The following ITGA2B variants were observed in gnomAD, a reference collection of about 807,000 sequenced individuals.
ITGA2B encodes integrin subunit alpha 2b.
ITGA2B carries 91 observed loss-of-function variants against 142.0 expected under a neutral mutation model. The observed-to-expected ratio is 0.64, with a 90% CI of 0.54 to 0.76. The LOEUF (loss-of-function observed/expected upper bound fraction) is 0.76, where lower values mean the gene tolerates loss of function less well. Ranked by LOEUF, ITGA2B falls within the 30% of genes least tolerant of loss-of-function variation. The pLI is 0.00. For synonymous variants in ITGA2B, 536 were observed against 567.2 expected (o/e 0.94, Z 0.78); for missense variants, 1,231 against 1,350.8 (o/e 0.91, Z 1.39).
At chr17:44,385,501 G>A (rs986815442) in intron 4 of ITGA2B, 50 bp downstream of exon 4, 6 of 1,532,680 alleles carry the variant, frequency 3.9e-6, no homozygotes, top group Admixed American at 3.9e-5. Flanking sequence ...CGATGGGGGC[G>A]GGGCCAAGCC....
At position 44,375,577 on chromosome 17, in the gene ITGA2B, G is replaced by T; in HGVS notation, c.2727+14C>A. On this transcript the variant is annotated intron_variant, in intron 26 of 29. Transcript: ENST00000262407. ...CCCGGGGAGGCCGGGCCAGAGACCAGAGAGCCTGCTCACTACGAGAACTGG... is the reference window on the plus strand; with the variant it reads ...CCCGGGGAGGCCGGGCCAGAGACCATAGAGCCTGCTCACTACGAGAACTGG... 1 of 1,613,474 alleles carries T rather than the reference G, an allele frequency of 6.2e-7. No individual in the cohort carries two copies. Among genetic ancestry groups the T allele is most frequent in the Non-Finnish European group, 8.5e-7 (1 of 1,179,582 alleles).
At position 44,384,586 on chromosome 17, in the gene ITGA2B, C is replaced by T. The variant is rs754740619; in HGVS notation, c.800-1G>A. The T allele has an allele frequency of 5.6e-6, 9 of 1,613,944 alleles. No homozygotes were observed. Among genetic ancestry groups the T allele is most frequent in the Non-Finnish European group, 6.8e-6 (8 of 1,180,040 alleles). On this transcript the variant is annotated splice_acceptor_variant, in intron 7 of 29. Transcript: ENST00000262407. LOFTEE classifies it high-confidence loss of function. Reference sequence around the variant, plus strand: ...AACTCGCCCACGGCCACCGAGTACCCTGAGGACAAGGGCGCAAATTAGTCT... The same window carrying T: ...AACTCGCCCACGGCCACCGAGTACCTTGAGGACAAGGGCGCAAATTAGTCT...
chr17:44,383,900 C>G lies in ITGA2B; in HGVS notation c.992G>C (p.Gly331Ala). ...GHSVAVTDVNGDGRHDLLVGA... is the reference protein window; with the variant it reads ...GHSVAVTDVNADGRHDLLVGA... ...GGGGCATGTCCCTCCTCACCCATCC[C>G]CGTTGACGTCAGTGACAGCCACTGA... The change falls in exon 11 of 30, where the codon GGG becomes GCG. Residue 331 changes from glycine (G) to alanine (A), a missense_variant. Transcript: ENST00000262407. 1 of 1,613,812 alleles carries G rather than the reference C, an allele frequency of 6.2e-7. No individual in the cohort carries two copies. The highest frequency in any genetic ancestry group is 8.5e-7 in the Non-Finnish European group (1 of 1,179,988).
intron 3 of ITGA2B, 22 bp from the exon 4 acceptor site, chr17:44,385,738 G>C: frequency 6.2e-7 from 1 of 1,613,458 alleles, no homozygotes; most frequent in East Asian, 2.2e-5. Flanking sequence ...CCACAGGAGT[G>C]GGGACGGGCG....
Position 44,379,990 on chromosome 17 carries a change from G to C in ITGA2B, c.1752+12C>G, listed in dbSNP as rs746952281. Reference sequence around the variant, plus strand: ...ACTCTCCCAGCCCTGCCAATCCCCTGCCTGGGCGTACTCGAAGGAAGGCCA... The same window carrying C: ...ACTCTCCCAGCCCTGCCAATCCCCTCCCTGGGCGTACTCGAAGGAAGGCCA... On this transcript the variant is annotated intron_variant, in intron 17 of 29. Transcript: ENST00000262407. 1.9e-6 allele frequency: 3 copies of C among 1,612,976 alleles called. No individual in the cohort carries two copies. Among genetic ancestry groups the C allele is most frequent in the Non-Finnish European group, 2.5e-6 (3 of 1,180,030 alleles).
intron 29 of ITGA2B, chr17:44,374,129 C>T (rs555180651): frequency 1.8e-6 from 1 of 546,962 alleles, no homozygotes; most frequent in East Asian, 3.2e-5. Context: ...TGGTCTCGAA[C>T]TCTTGACCTC....
rs78081038 is a variant in ITGA2B, at chr17:44,389,593, G to A, written c.-120C>T. Reference sequence around the variant, plus strand: ...AACCCCAAGTAACTTGCTGAGCAACGGGCAGAGCAAAGGGCTATAGCCCCT... The same window carrying A: ...AACCCCAAGTAACTTGCTGAGCAACAGGCAGAGCAAAGGGCTATAGCCCCT... On this transcript the variant is annotated 5_prime_UTR_variant, in exon 1 of 30. Transcript: ENST00000262407. 2.9e-4 allele frequency: 337 copies of A among 1,161,562 alleles called. 2 individuals are homozygous for A. In the African/African-American group the frequency reaches 3.4e-3, roughly 12 times the overall value. The allele number at this position is 1,161,562 out of a possible 1,614,324, so 72.0% of individuals were successfully genotyped here. A position where few individuals can be genotyped will look rare whatever the true frequency, so the allele number is the denominator to read the frequency against.
At chr17:44,387,008 C>G (rs2048655004) in intron 1 of ITGA2B, among the ~76,000 whole-genome samples, 1 of 152,164 alleles carries the variant, frequency 6.6e-6, no homozygotes, top group Admixed American at 6.5e-5. Flanking sequence ...CACCTGTAAT[C>G]CCAGCACTTT....
In ITGA2B at chr17:44,379,204, T is replaced by G. The variant is rs565186861; in HGVS notation, c.1878+485A>C. On this transcript the variant is annotated intron_variant, in intron 18 of 29. Coordinates refer to ENST00000262407, the MANE Select transcript of ITGA2B (RefSeq NM_000419.5). ...CTCCTGACCTCGTGATCCACCCGCC[T>G]TGGCCTCCCAAAGTGCTGGGATTAC... is the stretch of plus-strand genomic sequence containing the variant. Among the ~76,000 whole-genome samples, 3 of 151,386 alleles carry G rather than the reference T, an allele frequency of 2.0e-5. No individual in the cohort carries two copies. In the East Asian group the frequency reaches 5.8e-4, roughly 29 times the overall value.
At chr17:44,373,518 G>T (rs372501543) in intron 29 of ITGA2B, among the ~76,000 whole-genome samples, 1 of 152,184 alleles carries the variant, frequency 6.6e-6, no homozygotes, top group Non-Finnish European at 1.5e-5. Context: ...GGTCTAGTGC[G>T]TGGTTTTCCC....
In ITGA2B at chr17:44,384,140, T is replaced by C; in HGVS notation, c.892-2A>G. 6.2e-7 allele frequency: 1 copy of C among 1,613,288 alleles called. No individual in the cohort carries two copies. The highest frequency in any genetic ancestry group is 8.5e-7 in the Non-Finnish European group (1 of 1,179,776). ...GTAGTAGGAATCCAAAATTTCCACC[T>C]GCACGGACAGCGCAGGCGAGAGCAT... On this transcript the variant is annotated splice_acceptor_variant, in intron 9 of 29. Transcript: ENST00000262407. LOFTEE classifies it high-confidence loss of function.
At chr17:44,381,924 G>A (rs1296476830) in intron 12 of ITGA2B, among the ~76,000 whole-genome samples, 1 of 152,106 alleles carries the variant, frequency 6.6e-6, no homozygotes, top group Non-Finnish European at 1.5e-5. Flanking sequence ...CACCGTGCCT[G>A]GCCATCTAGC....
chr17:44,386,134 G>T lies in ITGA2B; in HGVS notation c.189-3C>A, dbSNP rs1441599995. The T allele has an allele frequency of 3.8e-6, 6 of 1,592,288 alleles. No homozygotes were observed. Among genetic ancestry groups the T allele is most frequent in the Non-Finnish European group, 5.1e-6 (6 of 1,171,990 alleles). On this transcript the variant is annotated splice_polypyrimidine_tract_variant and splice_region_variant and intron_variant, in intron 1 of 29. Transcript: ENST00000262407. ...GGGCGCCCACCACGATGGCCACTCTGCATAGGAAAGCTGGGTGAGCGCCGC... is the reference window on the plus strand; with the variant it reads ...GGGCGCCCACCACGATGGCCACTCTTCATAGGAAAGCTGGGTGAGCGCCGC...
chr17:44,384,893 G>A, intron 7 of ITGA2B, 55 bp downstream of exon 7: 1 of 1,612,472 alleles, frequency 6.2e-7, no homozygotes, highest in Non-Finnish European at 8.5e-7. Context: ...GGACCTGACC[G>A]TCTGCGGTGG....
In ITGA2B at chr17:44,389,572, C is replaced by A; in HGVS notation, c.-99G>T. 1 of 1,327,362 alleles carries A rather than the reference C, an allele frequency of 7.5e-7. No individual in the cohort carries two copies. The highest frequency in any genetic ancestry group is 1.5e-5 in the African/African-American group (1 of 68,908). The allele number at this position is 1,327,362 out of a possible 1,614,324, so 82.2% of individuals were successfully genotyped here. ...AGTCTTTTCTTATCAAACTGGAACC[C>A]CAAGTAACTTGCTGAGCAACGGGCA... On this transcript the variant is annotated 5_prime_UTR_variant, in exon 1 of 30. Transcript: ENST00000262407.
At position 44,375,579 on chromosome 17, in the gene ITGA2B, G is replaced by T; in HGVS notation, c.2727+12C>A. On this transcript the variant is annotated intron_variant, in intron 26 of 29. Transcript: ENST00000262407. ...CGGGGAGGCCGGGCCAGAGACCAGA[G>T]AGCCTGCTCACTACGAGAACTGGAT... 6.2e-7 allele frequency: 1 copy of T among 1,613,708 alleles called. No homozygotes were observed. The highest frequency in any genetic ancestry group is 8.5e-7 in the Non-Finnish European group (1 of 1,179,768).
At chr17:44,384,441 G>A (rs2048625641) in intron 8 of ITGA2B, 87 bp from the exon 9 acceptor site, 2 of 1,605,248 alleles carry the variant, frequency 1.2e-6, no homozygotes, top group Admixed American at 1.7e-5. Context: ...AGGGAAAAAT[G>A]TGTGTGCAGG....
Position 44,378,701 on chromosome 17 carries a change from C to A in ITGA2B, c.1888G>T (p.Val630Phe). 1.3e-6 allele frequency: 2 copies of A among 1,556,464 alleles called. No homozygotes were observed. Among genetic ancestry groups the A allele is most frequent in the Non-Finnish European group, 1.7e-6 (2 of 1,149,406 alleles). ...DTHVQEQTRIVLDCGEDDVCV... is the reference protein window; with the variant it reads ...DTHVQEQTRIFLDCGEDDVCV... ...ACGTCATCTTCCCCACAGTCCAGGA[C>A]GATTCGTGTCTAGAGGGGCACATTG... Residue 630 changes from valine (V) to phenylalanine (F), a missense_variant, in exon 19 of 30, where the codon GTC becomes TTC. Physicochemically the swap from Val to Phe is conservative, Grantham distance 50. This residue lies in a region of ITGA2B where 908 missense variants were observed against 1,021.1 expected (regional missense o/e 0.89). Coordinates refer to ENST00000262407, the MANE Select transcript of ITGA2B (RefSeq NM_000419.5).
rs374682986 is a variant in ITGA2B at position 44,382,460 on chromosome 17, T to G, written c.1210+1033A>C. 5.3e-5 allele frequency among the ~76,000 whole-genome samples: 8 copies of G among 152,250 alleles called. No homozygotes were observed. The East Asian group carries it at 1.5e-3, about 29-fold the overall frequency. The stretch of plus-strand genomic sequence containing the variant: ...CTTGGCCTGAATCAATTTATGTCAC[T>G]GTCACCAATAACCTCCCCTTCTTTT... On this transcript the variant is annotated intron_variant, in intron 12 of 29. Transcript: ENST00000262407.
Sources: allele counts gnomAD v4.1 joint callset (sites outside exome capture counted in the v4.1 genomes callset), GRCh38; gene constraint gnomAD v4.1.1; regional missense constraint gnomAD v4.1.1; transcripts MANE v1.5; gene names NCBI Gene and HGNC (gene_info 2026-07-23, HGNC 2026-07-21).